Variants in ACVR1C observed in about 807,000 individuals in gnomAD.
The protein encoded by ACVR1C is activin A receptor type 1C.
Under a neutral mutation model 57.9 loss-of-function variants are expected in ACVR1C, and 23 were observed. The ratio of observed to expected loss-of-function variants is 0.40; its 90% CI spans 0.29 to 0.56. ACVR1C has a LOEUF of 0.56. Among genes scored for constraint, ACVR1C ranks in the 20% least tolerant of loss-of-function variants. ACVR1C has a pLI of 0.50. For missense variants in ACVR1C, 480 were observed against 607.9 expected, an observed-to-expected ratio of 0.79 and a Z score of 2.21; for synonymous variants, 214 against 215.3, an observed-to-expected ratio of 0.99 and a Z score of 0.05.
intron 1 of ACVR1C, among the ~76,000 whole-genome samples, chr2:157,600,491 A>C (rs1558993110): frequency 6.6e-6 from 1 of 152,230 alleles, no homozygotes; most frequent in Non-Finnish European, 1.5e-5. Flanking sequence ...GATTGAAGAG[A>C]TAGAAAAAGA....
Position 157,628,743 on chromosome 2 carries a change from G to C in ACVR1C, c.-99C>G. The C allele has an allele frequency of 2.7e-6, 3 of 1,103,650 alleles. No individual in the cohort carries two copies. Among genetic ancestry groups the C allele is most frequent in the Non-Finnish European group, 3.7e-6 (3 of 812,146 alleles). The allele number at this position is 1,103,650 out of a possible 1,614,324, so 68.4% of individuals were successfully genotyped here. On this transcript the variant is annotated 5_prime_UTR_variant, in exon 1 of 9. Coordinates refer to ENST00000243349, the MANE Select transcript of ACVR1C (RefSeq NM_145259.3). ...TTGAAGTTCCCGGGCCGCGGGAGGG[G>C]AGCGCGGCACCGACACCCTTTTGAA...
rs13420239 is a variant in ACVR1C, at chr2:157,556,366, A to G, written c.305-34T>C. On this transcript the variant is annotated intron_variant, in intron 2 of 8. Transcript: ENST00000243349. ...TAAAGAAGAAAGAACATGACCATAA[A>G]TCAAACCATTTTAAGTATTTTTGGA... 0.024 allele frequency: 38,329 copies of G among 1,601,906 alleles called. 808 individuals are homozygous for G. The highest frequency in any genetic ancestry group is 0.11 in the African/African-American group (8,108 of 74,494).
intron 1 of ACVR1C, among the ~76,000 whole-genome samples, chr2:157,594,486 G>T (rs1038943168): frequency 6.7e-6 from 1 of 149,064 alleles, no homozygotes; most frequent in Admixed American, 6.9e-5. Context: ...TATTTCAGTG[G>T]GTGAGAGAAT....
At chr2:157,595,105 G>A (rs779670682) in intron 1 of ACVR1C, among the ~76,000 whole-genome samples, 7 of 152,162 alleles carry the variant, frequency 4.6e-5, no homozygotes, top group Admixed American at 1.3e-4. Flanking sequence ...CTCCAGTGTG[G>A]GACAATTATT....
At chr2:157,555,870 T>G (rs935494991) in intron 3 of ACVR1C, among the ~76,000 whole-genome samples, 1 of 152,172 alleles carries the variant, frequency 6.6e-6, no homozygotes, top group Non-Finnish European at 1.5e-5. Flanking sequence ...TGTAAGAATC[T>G]GAACACCTAA....
intron 2 of ACVR1C, among the ~76,000 whole-genome samples, chr2:157,580,910 T>A (rs1218006671): frequency 6.6e-6 from 1 of 152,016 alleles, no homozygotes; most frequent in Non-Finnish European, 1.5e-5. Context: ...CAGAGACAGA[T>A]AGGGTATATG....
chr2:157,579,249 G>C (rs906262719), intron 2 of ACVR1C, among the ~76,000 whole-genome samples: 1 of 152,134 alleles, frequency 6.6e-6, no homozygotes, highest in African/African-American at 2.4e-5. Context: ...GGACTCGTAT[G>C]TGAAAGCATG....
intron 4 of ACVR1C, among the ~76,000 whole-genome samples, chr2:157,547,956 A>G (rs1172501094): frequency 6.6e-6 from 1 of 151,986 alleles, no homozygotes; most frequent in Non-Finnish European, 1.5e-5. Context: ...TTTTAGGTCT[A>G]ACATTTAAGT....
intron 2 of ACVR1C, among the ~76,000 whole-genome samples, chr2:157,558,876 A>G (rs1216230980): frequency 2.0e-5 from 3 of 152,198 alleles, no homozygotes; most frequent in Admixed American, 6.5e-5. Flanking sequence ...GTCTGCACAA[A>G]GGTATTCTAG....
In ACVR1C at chr2:157,540,576, A is replaced by G. The variant is rs189219152; in HGVS notation, c.1225+514T>C. Among the ~76,000 whole-genome samples the G allele has an allele frequency of 1.0e-3, 152 of 152,262 alleles. 3 individuals are homozygous for G. The highest frequency in any genetic ancestry group is 3.5e-3 in the African/African-American group (146 of 41,568). On this transcript the variant is annotated intron_variant, in intron 7 of 8. Coordinates refer to ENST00000243349, the MANE Select transcript of ACVR1C (RefSeq NM_145259.3). ...CTCCCAAAGTGTTGGGATTACAGGC[A>G]TGAGTCACCACGCCCAGGTGCATTA...
At chr2:157,554,318 A>AGG (rs1688031792) in intron 3 of ACVR1C, among the ~76,000 whole-genome samples, 1 of 149,724 alleles carries the variant, frequency 6.7e-6, no homozygotes, top group African/African-American at 2.5e-5. Flanking sequence ...AGGAAAAGAA[A>AGG]AAGAAAAAGA....
At chr2:157,547,981 G>A (rs1687811533) in intron 4 of ACVR1C, among the ~76,000 whole-genome samples, 1 of 151,996 alleles carries the variant, frequency 6.6e-6, no homozygotes, top group African/African-American at 2.4e-5. Flanking sequence ...AATCCATCTT[G>A]AATTGATTTT....
intron 1 of ACVR1C, among the ~76,000 whole-genome samples, chr2:157,598,914 G>C (rs540405151): frequency 1.3e-4 from 20 of 151,976 alleles, no homozygotes; most frequent in Non-Finnish European, 2.5e-4. Context: ...TGTCCAAGCT[G>C]TTATTATTCC....
At chr2:157,583,177 A>G (rs1688832227) in intron 2 of ACVR1C, among the ~76,000 whole-genome samples, 1 of 152,200 alleles carries the variant, frequency 6.6e-6, no homozygotes, top group African/African-American at 2.4e-5. Context: ...TTATTTTCAC[A>G]AGCTTTCAGG....
chr2:157,558,628 C>T (rs1400870243), intron 2 of ACVR1C, among the ~76,000 whole-genome samples: 1 of 152,116 alleles, frequency 6.6e-6, no homozygotes, highest in Non-Finnish European at 1.5e-5. Flanking sequence ...AACTGATTAC[C>T]AACTTTTCTT....
chr2:157,626,917 T>C (rs1682907434), intron 1 of ACVR1C, among the ~76,000 whole-genome samples: 1 of 152,224 alleles, frequency 6.6e-6, no homozygotes, highest in African/African-American at 2.4e-5. Flanking sequence ...AAATTTTAAG[T>C]GAGCGACTTT....
intron 7 of ACVR1C, among the ~76,000 whole-genome samples, chr2:157,539,810 A>T (rs1183175067): frequency 6.6e-6 from 1 of 152,202 alleles, no homozygotes; most frequent in East Asian, 1.9e-4. Context: ...CATGTTCGGC[A>T]CCACTATAAT....
intron 1 of ACVR1C, among the ~76,000 whole-genome samples, chr2:157,615,184 C>A (rs1457842397): frequency 6.6e-6 from 1 of 151,866 alleles, no homozygotes; most frequent in African/African-American, 2.4e-5. Context: ...GATGCCCTTG[C>A]AGCTGGGCAC....
chr2:157,546,327 G>C (rs574389782), intron 4 of ACVR1C, among the ~76,000 whole-genome samples: 1 of 152,266 alleles, frequency 6.6e-6, no homozygotes, highest in Admixed American at 6.5e-5. Context: ...TTTTTGGTTA[G>C]CCATCTTGCC....
Sources: gnomAD v4.1 joint callset for allele counts (sites outside exome capture counted in the v4.1 genomes callset) on GRCh38, gnomAD v4.1.1 for gene constraint, MANE v1.5 for transcripts, NCBI Gene and HGNC (gene_info 2026-07-23, HGNC 2026-07-21) for gene names.